ZMYM4: variants seen among roughly 807,000 people sequenced by gnomAD.
ZMYM4 encodes zinc finger MYM-type protein 4.
ZMYM4 carries 31 observed loss-of-function variants against 183.2 expected under a neutral mutation model. The ratio of observed to expected loss-of-function variants is 0.17; its 90% CI spans 0.13 to 0.23. The LOEUF (loss-of-function observed/expected upper bound fraction) is 0.23. ZMYM4 is among the 10% of genes least tolerant of loss of function. ZMYM4 has a pLI of 1.00. For synonymous variants in ZMYM4, 592 were observed against 631.2 expected (o/e 0.94, Z 0.93); for missense variants, 1,273 against 1,840.3 (o/e 0.69, Z 5.64).
chr1:35,320,898 T>C (rs995852928), intron 1 of ZMYM4, among the ~76,000 whole-genome samples: 1 of 152,238 alleles, frequency 6.6e-6, no homozygotes, highest in Non-Finnish European at 1.5e-5. Flanking sequence ...GTAGGATTTC[T>C]AATCCTTTAT....
At chr1:35,283,818 T>C (rs2148695929) in intron 1 of ZMYM4, among the ~76,000 whole-genome samples, 1 of 152,290 alleles carries the variant, frequency 6.6e-6, no homozygotes, top group South Asian at 2.1e-4. Flanking sequence ...TTTAATTGCT[T>C]GTCTTTTTTG....
chr1:35,302,224 TTG>T (rs1557952168), intron 1 of ZMYM4, among the ~76,000 whole-genome samples: 4 of 88,878 alleles, frequency 4.5e-5, no homozygotes, highest in East Asian at 2.4e-4. Context: ...TTTTTTTTTT[TTG>T]TGACAGGGCC....
rs1220837009 is a variant in ZMYM4 at position 35,420,973 on chromosome 1, C to T, written c.*1296C>T. The T allele has an allele frequency of 6.6e-6, 1 of 152,278 alleles. No homozygotes were observed. The highest frequency in any genetic ancestry group is 2.4e-5 in the African/African-American group (1 of 41,438). The allele number at this position is 152,278 out of a possible 1,614,324, so 9.4% of individuals were successfully genotyped here. A position where few individuals can be genotyped will look rare whatever the true frequency, so the allele number is the denominator to read the frequency against. On this transcript the variant is annotated 3_prime_UTR_variant, in exon 30 of 30. Transcript: ENST00000314607. The stretch of plus-strand genomic sequence containing the variant: ...GTGTGGCATATCAGTCCATCTCCCT[C>T]ATCTCCATTCTCAGTTTCTTCCCCA...
In ZMYM4 at chr1:35,387,467, A is replaced by C. The variant is rs775276827; in HGVS notation, c.2126A>C (p.Gln709Pro). ...ELLDYKGKMF[Q>P]FCGKNCSDEY... ...ATTTCTTTGCAGGGCAAAATGTTTC[A>C]GTTCTGTGGCAAGAATTGTTCTGAT... The change falls in exon 13 of 30, where the codon CAG becomes CCG. Residue 709 changes from glutamine to proline, a missense_variant. Coordinates refer to ENST00000314607, the MANE Select transcript of ZMYM4 (RefSeq NM_005095.3). 1 of 1,606,446 alleles carries C rather than the reference A, an allele frequency of 6.2e-7. No homozygotes were observed. Among genetic ancestry groups the C allele is most frequent in the South Asian group, 1.1e-5 (1 of 89,184 alleles).
Position 35,387,459 on chromosome 1 carries a change from A to G in ZMYM4, c.2118A>G (p.Lys706=). 1 of 1,604,656 alleles carries G rather than the reference A, an allele frequency of 6.2e-7. No homozygotes were observed. The highest frequency in any genetic ancestry group is 8.5e-7 in the Non-Finnish European group (1 of 1,176,946). The part of the protein sequence containing the change: ...TKPELLDYKG[K]MFQFCGKNCS... ...TAATGATTATTTCTTTGCAGGGCAA[A>G]ATGTTTCAGTTCTGTGGCAAGAATT... The change falls in exon 13 of 30, where the codon AAA becomes AAG. Residue 706 remains lysine (K), a synonymous_variant. Transcript: ENST00000314607.
chr1:35,361,370 T>A (rs1457899737), intron 4 of ZMYM4, 115 bp downstream of exon 4: 38 of 1,049,468 alleles, frequency 3.6e-5, no homozygotes, highest in Non-Finnish European at 4.4e-5. Flanking sequence ...TTTTTTTTTT[T>A]AATTTGCTTA....
chr1:35,394,016 T>C (rs1274800318), intron 18 of ZMYM4, among the ~76,000 whole-genome samples: 1 of 152,150 alleles, frequency 6.6e-6, no homozygotes, highest in African/African-American at 2.4e-5. Context: ...AGAATAAGCA[T>C]AAGGTTTGGA....
Position 35,388,851 on chromosome 1 carries a change from A to G in ZMYM4, c.2264-59A>G, listed in dbSNP as rs891700772. On this transcript the variant is annotated intron_variant, in intron 13 of 29. Coordinates refer to ENST00000314607, the MANE Select transcript of ZMYM4 (RefSeq NM_005095.3). Reference sequence around the variant, plus strand: ...GCACCGGGCCTGTCCTAGGCCATTTAAAGTTGCAGAAAACTAATACTTCTA... The same window carrying G: ...GCACCGGGCCTGTCCTAGGCCATTTGAAGTTGCAGAAAACTAATACTTCTA... The G allele has an allele frequency of 2.9e-5, 44 of 1,538,260 alleles. No homozygotes were observed. The African/African-American group carries it at 5.5e-4, about 19-fold the overall frequency.
intron 9 of ZMYM4, among the ~76,000 whole-genome samples, chr1:35,382,248 A>C (rs1644479047): frequency 6.6e-6 from 1 of 150,750 alleles, no homozygotes; most frequent in South Asian, 2.1e-4. Flanking sequence ...ATATGTATAT[A>C]TATGTAAATA....
At chr1:35,387,329 T>G (rs1443190694) in intron 12 of ZMYM4, 51 bp downstream of exon 12, 1 of 1,588,504 alleles carries the variant, frequency 6.3e-7, no homozygotes, top group Non-Finnish European at 8.6e-7. Flanking sequence ...TGGGTCTATT[T>G]GTAAAATTAT....
chr1:35,366,779 A>G (rs1028879889), intron 5 of ZMYM4, among the ~76,000 whole-genome samples: 6 of 152,140 alleles, frequency 3.9e-5, no homozygotes, highest in Non-Finnish European at 8.8e-5. Flanking sequence ...TGGGAGGCCA[A>G]GCGGGGGGCG....
At chr1:35,285,953 G>T (rs924899966) in intron 1 of ZMYM4, among the ~76,000 whole-genome samples, 2 of 152,174 alleles carry the variant, frequency 1.3e-5, no homozygotes, top group African/African-American at 4.8e-5. Context: ...AGTGGTGAAA[G>T]ACTGAGAGAT....
intron 1 of ZMYM4, among the ~76,000 whole-genome samples, chr1:35,306,906 C>T (rs1270105044): frequency 1.3e-5 from 2 of 152,194 alleles, no homozygotes; most frequent in Non-Finnish European, 2.9e-5. Flanking sequence ...ATTCATCTAA[C>T]TATGTAATTG....
intron 4 of ZMYM4, 30 bp from the exon 5 acceptor site, chr1:35,361,589 T>C (rs535051269): frequency 1.3e-6 from 2 of 1,585,796 alleles, no homozygotes; most frequent in East Asian, 4.5e-5. Flanking sequence ...AAAATCTGAA[T>C]ATTTATTAAT....
At chr1:35,288,100 A>G (rs1640593824) in intron 1 of ZMYM4, among the ~76,000 whole-genome samples, 1 of 152,116 alleles carries the variant, frequency 6.6e-6, no homozygotes, top group South Asian at 2.1e-4. Context: ...TTTAGTTTTA[A>G]TTGCTAAGTC....
At chr1:35,282,018 A>C (rs1570241119) in intron 1 of ZMYM4, among the ~76,000 whole-genome samples, 1 of 152,142 alleles carries the variant, frequency 6.6e-6, no homozygotes. Context: ...AAAATATTCC[A>C]TTGTGTGCAT....
rs1644554878 is a variant in ZMYM4, at chr1:35,385,390, T to G, written c.1570-52T>G. 15 of 1,549,682 alleles carry G rather than the reference T, an allele frequency of 9.7e-6. No individual in the cohort carries two copies. The South Asian group carries it at 1.6e-4, about 16-fold the overall frequency. The stretch of plus-strand genomic sequence containing the variant: ...TGAGTATAAACATTTCGAAGAATTA[T>G]GCTTTTACTAGGAATTTGTTAAAAA... On this transcript the variant is annotated intron_variant, in intron 9 of 29. Transcript: ENST00000314607.
At chr1:35,289,594 C>G (rs1031539371) in intron 1 of ZMYM4, among the ~76,000 whole-genome samples, 3 of 152,160 alleles carry the variant, frequency 2.0e-5, no homozygotes, top group African/African-American at 4.8e-5. Context: ...ACAGTGTAGT[C>G]TGAATCAGGG....
At chr1:35,276,310 T>C (rs1346657957) in intron 1 of ZMYM4, among the ~76,000 whole-genome samples, 2 of 119,716 alleles carry the variant, frequency 1.7e-5, no homozygotes, top group Non-Finnish European at 3.2e-5. Flanking sequence ...CTTTCCTTCC[T>C]CCTTCCTTCC....
Sources: gnomAD v4.1 joint callset for allele counts (sites outside exome capture counted in the v4.1 genomes callset) on GRCh38, gnomAD v4.1.1 for gene constraint, MANE v1.5 for transcripts, NCBI Gene and HGNC (gene_info 2026-07-23, HGNC 2026-07-21) for gene names.